TARBP1: variants seen among roughly 807,000 people sequenced by gnomAD.
TARBP1 encodes the protein tRNA (guanosine(18)-2'-O)-methyltransferase TARBP1.
In TARBP1, 144 loss-of-function variants were observed where a neutral mutation model predicts 178.6. The ratio of observed to expected loss-of-function variants is 0.81; its 90% CI spans 0.70 to 0.93. The LOEUF is 0.93. Ranked by LOEUF, TARBP1 falls within the 40% of genes least tolerant of loss-of-function variation. The pLI is 0.00. For synonymous variants in TARBP1, 787 were observed against 781.0 expected (o/e 1.01, Z -0.13); for missense variants, 2,067 against 2,011.7 (o/e 1.03, Z -0.53).
chr1:234,393,305 C>T (rs996152483), intron 28 of TARBP1, 57 bp downstream of exon 28: 20 of 1,376,406 alleles, frequency 1.5e-5, no homozygotes, highest in Middle Eastern at 1.9e-4. Flanking sequence ...TTTAGGTTCA[C>T]GGGTACATGT....
At chr1:234,444,587 C>G (rs145899610) in intron 12 of TARBP1, among the ~76,000 whole-genome samples, 2 of 152,258 alleles carry the variant, frequency 1.3e-5, no homozygotes, top group Admixed American at 1.3e-4. Context: ...AATCCTACAG[C>G]ACTGCCTCAG....
chr1:234,468,529 T>C (rs1668689472), intron 3 of TARBP1, among the ~76,000 whole-genome samples: 1 of 152,134 alleles, frequency 6.6e-6, no homozygotes, highest in Non-Finnish European at 1.5e-5. Context: ...AAATTAAATA[T>C]TACCCCATGC....
rs1359911503 is a variant in TARBP1, at chr1:234,479,032, G to A, written c.72C>T (p.Cys24=). 13 of 1,535,210 alleles carry A rather than the reference G, an allele frequency of 8.5e-6. No individual in the cohort carries two copies. ...CGCGCTCCGCGGATGCCTCCCCTTGGCACAGCGCCCCAAGCAGGGCCCGGG... is the reference window on the plus strand; with the variant it reads ...CGCGCTCCGCGGATGCCTCCCCTTGACACAGCGCCCCAAGCAGGGCCCGGG... ...RDPRALLGAL[C]QGEASAERVE... is the part of the protein sequence containing the mutation. Residue 24 remains cysteine (C), a synonymous_variant, in exon 1 of 30, where the codon TGC becomes TGT. Coordinates refer to ENST00000040877, the MANE Select transcript of TARBP1 (RefSeq NM_005646.4).
intron 6 of TARBP1, among the ~76,000 whole-genome samples, chr1:234,462,402 G>T (rs1351104781): frequency 2.6e-5 from 4 of 152,086 alleles, no homozygotes; most frequent in African/African-American, 9.7e-5. Flanking sequence ...ACTAAAGAAT[G>T]ACTCTAGGCT....
chr1:234,393,861 C>A, intron 26 of TARBP1, 24 bp from the exon 27 acceptor site: 1 of 1,550,620 alleles, frequency 6.4e-7, no homozygotes, highest in Non-Finnish European at 8.8e-7. Flanking sequence ...AGAAAACAAT[C>A]CCACATATAA....
At chr1:234,477,441 T>C (rs900404053) in intron 1 of TARBP1, among the ~76,000 whole-genome samples, 1 of 152,234 alleles carries the variant, frequency 6.6e-6, no homozygotes, top group Non-Finnish European at 1.5e-5. Flanking sequence ...AAATATTCTA[T>C]TGAGACAATT....
intron 20 of TARBP1, among the ~76,000 whole-genome samples, 169 bp from the exon 21 acceptor site, chr1:234,420,981 T>C (rs995507502): frequency 2.6e-5 from 4 of 152,182 alleles, no homozygotes; most frequent in African/African-American, 9.7e-5. Flanking sequence ...CCTTAAAATA[T>C]TTCAAACATT....
At chr1:234,437,798 G>A (rs999330970) in intron 12 of TARBP1, among the ~76,000 whole-genome samples, 6 of 152,220 alleles carry the variant, frequency 3.9e-5, no homozygotes, top group East Asian at 1.9e-4. Context: ...CAGAATGGGC[G>A]CCAGCTTTCT....
rs73101942 is a variant in TARBP1, at chr1:234,432,764, G to A, written c.2394+646C>T. On this transcript the variant is annotated intron_variant, in intron 14 of 29. Transcript: ENST00000040877. ...TAGCCTAGAGTGGCTGCAACGTCAC[G>A]GCACTGTGGGAAGGAGGGGGAAAGG... Among the ~76,000 whole-genome samples the A allele has an allele frequency of 7.2e-3, 1,097 of 152,182 alleles. 8 individuals carry two copies. Among genetic ancestry groups the A allele is most frequent in the African/African-American group, 0.025 (1,045 of 41,510 alleles).
At position 234,478,934 on chromosome 1, in the gene TARBP1, AGCGCGCCTGCGCCCCCGCTGCC is replaced by A. The variant is rs1341842423; in HGVS notation, c.148_169del (p.Gly50SerfsTer41). On this transcript the variant is annotated frameshift_variant, in exon 1 of 30. Transcript: ENST00000040877. LOFTEE classifies it high-confidence loss of function. ...AGCCACCTCGCGCGCCGCCTCCGGG[AGCGCGCCTGCGCCCCCGCTGCC>A]GCGCGCCTCCTCGTCCTCGAGCCGC... is the stretch of plus-strand genomic sequence containing the variant. 4 of 1,440,294 alleles carry A rather than the reference AGCGCGCCTGCGCCCCCGCTGCC, an allele frequency of 2.8e-6. No homozygotes were observed. The highest frequency in any genetic ancestry group is 1.5e-5 in the African/African-American group (1 of 66,640). The allele number at this position is 1,440,294 out of a possible 1,614,324, so 89.2% of individuals were successfully genotyped here. A position where few individuals can be genotyped will look rare whatever the true frequency, so the allele number is the denominator to read the frequency against.
In TARBP1 at chr1:234,433,416, A is replaced by G; in HGVS notation, c.2388T>C (p.Ser796=). 1 of 1,613,810 alleles carries G rather than the reference A, an allele frequency of 6.2e-7. No individual in the cohort carries two copies. The highest frequency in any genetic ancestry group is 8.5e-7 in the Non-Finnish European group (1 of 1,179,934). The stretch of plus-strand genomic sequence containing the variant: ...TTGAATCAAAGAGGCTTACCTGTCC[A>G]CTGTCCATCTCTTGAAGATGCTGAA... ...ASIQHLQEMD[S]GQEPTVGSQI... Residue 796 remains serine (S), a synonymous_variant, in exon 14 of 30, where the codon AGT becomes AGC. Coordinates refer to ENST00000040877, the MANE Select transcript of TARBP1 (RefSeq NM_005646.4).
chr1:234,420,136 G>A lies in TARBP1; in HGVS notation c.3555+566C>T, dbSNP rs561709540. ...CAAAGATGGTTAGAAAAATCAGATC[G>A]TCCATTCAACTGTTTCTTGCCTCCT... is the stretch of plus-strand genomic sequence containing the variant. On this transcript the variant is annotated intron_variant, in intron 21 of 29. Coordinates refer to ENST00000040877, the MANE Select transcript of TARBP1 (RefSeq NM_005646.4). Among the ~76,000 whole-genome samples, 39 of 152,234 alleles carry A rather than the reference G, an allele frequency of 2.6e-4. No individual in the cohort carries two copies. In the East Asian group the frequency reaches 5.6e-3, roughly 22 times the overall value.
chr1:234,473,502 T>C (rs1014648690), intron 1 of TARBP1, among the ~76,000 whole-genome samples: 1 of 152,218 alleles, frequency 6.6e-6, no homozygotes, highest in Non-Finnish European at 1.5e-5. Context: ...CGAACATGTG[T>C]GCACCCTGGG....
chr1:234,467,560 A>G lies in TARBP1; in HGVS notation c.1190T>C (p.Ile397Thr), dbSNP rs534862929. ...TGTTTCATACAGCTCCAAAAAATGGATAACACCTTCTTTGGACAGGATTTT... is the reference window on the plus strand; with the variant it reads ...TGTTTCATACAGCTCCAAAAAATGGGTAACACCTTCTTTGGACAGGATTTT... The part of the protein sequence containing the change: ...ENKILSKEGV[I>T]HFLELYETKI... Residue 397 changes from isoleucine to threonine, a missense_variant, in exon 4 of 30, where the codon ATC becomes ACC. By Grantham distance (89) the Ile-to-Thr change is moderately conservative. Transcript: ENST00000040877. 11 of 1,607,744 alleles carry G rather than the reference A, an allele frequency of 6.8e-6. No homozygotes were observed. The highest frequency in any genetic ancestry group is 9.3e-6 in the Non-Finnish European group (11 of 1,178,340).
At chr1:234,462,172 G>A (rs1465832600) in intron 6 of TARBP1, among the ~76,000 whole-genome samples, 1 of 152,198 alleles carries the variant, frequency 6.6e-6, no homozygotes. Context: ...AGATGGCAAT[G>A]GCCAAGTTTC....
In TARBP1 at chr1:234,437,376, T is replaced by C. The variant is rs1371659401; in HGVS notation, c.2135-4A>G. 2.0e-6 allele frequency: 3 copies of C among 1,488,264 alleles called. No individual in the cohort carries two copies. The highest frequency in any genetic ancestry group is 2.3e-5 in the East Asian group (1 of 42,756). The allele number at this position is 1,488,264 out of a possible 1,614,324, so 92.2% of individuals were successfully genotyped here. A position where few individuals can be genotyped will look rare whatever the true frequency, so the allele number is the denominator to read the frequency against. On this transcript the variant is annotated splice_polypyrimidine_tract_variant and splice_region_variant and intron_variant, in intron 12 of 29. Transcript: ENST00000040877. ...TGAAGAACAGTAGACACCTCATCTG[T>C]ATGGGGGCAAAAAGCATGCAACTAA...
At chr1:234,406,144 A>G in intron 23 of TARBP1, 45 bp from the exon 24 acceptor site, 2 of 1,565,048 alleles carry the variant, frequency 1.3e-6, no homozygotes, top group East Asian at 4.5e-5. Flanking sequence ...GACATGGACC[A>G]TTTTACTCTC....
At chr1:234,422,600 G>T (rs1663231743) in intron 20 of TARBP1, among the ~76,000 whole-genome samples, 1 of 152,050 alleles carries the variant, frequency 6.6e-6, no homozygotes, top group South Asian at 2.1e-4. Context: ...AGGGGTAGTG[G>T]TGGTAGGGGG....
intron 13 of TARBP1, among the ~76,000 whole-genome samples, chr1:234,434,271 T>C (rs891717907): frequency 4.6e-5 from 7 of 152,216 alleles, no homozygotes. Context: ...ACAGGGTTTC[T>C]GAAGGAATCA....
Sources: allele counts gnomAD v4.1 joint callset (sites outside exome capture counted in the v4.1 genomes callset), GRCh38; gene constraint gnomAD v4.1.1; transcripts MANE v1.5; gene names NCBI Gene and HGNC (gene_info 2026-07-23, HGNC 2026-07-21).